The following LGALS8 variants were observed in gnomAD, a reference collection of about 807,000 sequenced individuals.
LGALS8 encodes galectin-8.
LGALS8 carries 30 observed loss-of-function variants against 35.9 expected under a neutral mutation model. The ratio of observed to expected loss-of-function variants is 0.83; its 90% CI spans 0.62 to 1.13. LGALS8 has a LOEUF of 1.13. LGALS8 is among the 50% of genes most tolerant of loss of function. The pLI is 0.00. For missense variants in LGALS8, 366 were observed against 388.7 expected (o/e 0.94, Z 0.49); for synonymous variants, 138 against 136.1 (o/e 1.01, Z -0.10).
chr1:236,535,119 C>G (rs1037458848), intron 2 of LGALS8, among the ~76,000 whole-genome samples: 4 of 147,648 alleles, frequency 2.7e-5, no homozygotes, highest in African/African-American at 9.9e-5. Flanking sequence ...TCAAAAAGCT[C>G]TTTCCAACAC....
chr1:236,541,065 C>T (rs927705678), intron 5 of LGALS8, among the ~76,000 whole-genome samples: 12 of 152,184 alleles, frequency 7.9e-5, no homozygotes, highest in South Asian at 2.1e-4. Flanking sequence ...CATATACAAC[C>T]GTGGTCCCAT....
At chr1:236,541,588 A>AACAGGTTT in intron 5 of LGALS8, 66 bp from the exon 6 acceptor site, 2 of 798,646 alleles carry the variant, frequency 2.5e-6, no homozygotes, top group Non-Finnish European at 4.0e-6. Context: ...TTATATGTCA[A>AACAGGTTT]TATAAAATAT....
intron 2 of LGALS8, among the ~76,000 whole-genome samples, chr1:236,533,415 A>T (rs764258980): frequency 7.9e-5 from 12 of 151,056 alleles, no homozygotes; most frequent in Non-Finnish European, 1.8e-4. Flanking sequence ...GCTCATTGCA[A>T]CCTCCGCCTC....
At chr1:236,534,938 G>A (rs1000292001) in intron 2 of LGALS8, among the ~76,000 whole-genome samples, 12 of 149,904 alleles carry the variant, frequency 8.0e-5, no homozygotes, top group South Asian at 6.4e-4. Context: ...GCACATGCCT[G>A]TAGTCCCAGC....
At chr1:236,522,339 C>G (rs948627372), upstream of LGALS8, among the ~76,000 whole-genome samples, 2 of 152,170 alleles carry the variant, frequency 1.3e-5, no homozygotes, top group African/African-American at 4.8e-5. Flanking sequence ...CTTGGTGTCT[C>G]ATGCCTGTAA....
chr1:236,521,354 G>A (rs941700690), upstream of LGALS8, among the ~76,000 whole-genome samples: 1 of 152,134 alleles, frequency 6.6e-6, no homozygotes, highest in African/African-American at 2.4e-5. Context: ...GAAATATTGA[G>A]TAAAGATTTT....
chr1:236,541,581 T>C, intron 5 of LGALS8, 73 bp from the exon 6 acceptor site: 1 of 652,104 alleles, frequency 1.5e-6, no homozygotes, highest in East Asian at 3.3e-5. Flanking sequence ...AATTTTTTTA[T>C]ATGTCAATAT....
At chr1:236,527,059 C>CT (rs1423355565) in intron 2 of LGALS8, among the ~76,000 whole-genome samples, 1 of 152,112 alleles carries the variant, frequency 6.6e-6, no homozygotes, top group African/African-American at 2.4e-5. Flanking sequence ...TTTAAGATGA[C>CT]TTTGCGCATG....
intron 2 of LGALS8, among the ~76,000 whole-genome samples, chr1:236,528,273 T>G (rs1023301062): frequency 1.3e-5 from 2 of 151,044 alleles, no homozygotes; most frequent in African/African-American, 4.9e-5. Flanking sequence ...TCCCAGCTAC[T>G]CGGGAGGCTG....
intron 7 of LGALS8, 195 bp from the exon 8 acceptor site, chr1:236,543,365 A>G (rs1662142587): frequency 4.3e-6 from 3 of 697,668 alleles, no homozygotes; most frequent in Non-Finnish European, 7.9e-6. Flanking sequence ...CTAAAATGTA[A>G]TCATGTGTGT....
At chr1:236,522,478 C>T (rs555866293), upstream of LGALS8, among the ~76,000 whole-genome samples, 3 of 152,194 alleles carry the variant, frequency 2.0e-5, no homozygotes, top group East Asian at 3.9e-4. Flanking sequence ...TAGTGGTGTG[C>T]GTCTATAGTC....
intron 3 of LGALS8, among the ~76,000 whole-genome samples, chr1:236,538,535 G>A (rs1661731090): frequency 6.6e-6 from 1 of 152,222 alleles, no homozygotes; most frequent in South Asian, 2.1e-4. Flanking sequence ...CAAAAGGCAA[G>A]TGCTTGCTGA....
chr1:236,542,076 T>C (rs1662036826), intron 6 of LGALS8, among the ~76,000 whole-genome samples: 1 of 152,212 alleles, frequency 6.6e-6, no homozygotes, highest in Non-Finnish European at 1.5e-5. Context: ...AAATGCGCTG[T>C]TATTAATGGA....
upstream of LGALS8, among the ~76,000 whole-genome samples, chr1:236,521,706 T>C (rs1558151468): frequency 6.6e-6 from 1 of 151,912 alleles, no homozygotes; most frequent in Non-Finnish European, 1.5e-5. Flanking sequence ...CGCGCACCTG[T>C]AGTCCCAGCT....
chr1:236,529,159 C>A (rs1334991680), intron 2 of LGALS8, among the ~76,000 whole-genome samples: 1 of 152,014 alleles, frequency 6.6e-6, no homozygotes, highest in Non-Finnish European at 1.5e-5. Context: ...TGTCTGTAGT[C>A]CCAGCTATGA....
intron 1 of LGALS8, chr1:236,524,849 G>T: frequency 5.5e-6 from 1 of 181,286 alleles, no homozygotes; most frequent in Non-Finnish European, 1.2e-5. Context: ...AATGACATGG[G>T]GCTATATTTA....
intron 4 of LGALS8, 182 bp from the exon 5 acceptor site, chr1:236,540,382 A>T: frequency 1.9e-6 from 1 of 520,936 alleles, no homozygotes; most frequent in Non-Finnish European, 3.2e-6. Flanking sequence ...AACTCAAAAG[A>T]AGTTTGGAAG....
Position 236,548,318 on chromosome 1 carries a change from A to T in LGALS8, c.*157A>T. 1.4e-6 allele frequency: 1 copy of T among 697,322 alleles called. No homozygotes were observed. The highest frequency in any genetic ancestry group is 2.8e-5 in the East Asian group (1 of 36,068). 43.2% of individuals were successfully genotyped at this position (697,322 alleles called of 1,614,324 possible). ...TGGGTGTTCTCAGTCCTTGCCATGA[A>T]GTATGGTGGTGTCTAGCACTGAATG... On this transcript the variant is annotated 3_prime_UTR_variant, in exon 10 of 10. Transcript: ENST00000366584.
chr1:236,534,032 G>C (rs1661313195), intron 2 of LGALS8, among the ~76,000 whole-genome samples: 1 of 150,640 alleles, frequency 6.6e-6, no homozygotes, highest in African/African-American at 2.5e-5. Flanking sequence ...AGATATAGCG[G>C]CTGCCCCCTT....
Sources: gnomAD v4.1 joint callset for allele counts (sites outside exome capture counted in the v4.1 genomes callset) on GRCh38, gnomAD v4.1.1 for gene constraint, MANE v1.5 for transcripts, NCBI Gene and HGNC (gene_info 2026-07-23, HGNC 2026-07-21) for gene names.